EPB41L2: variants seen among roughly 807,000 people sequenced by gnomAD.
The protein encoded by EPB41L2 is band 4.1-like protein 2.
A neutral mutation model predicts 113.0 loss-of-function variants in EPB41L2; 43 were observed. The ratio of observed to expected loss-of-function variants is 0.38; its 90% CI spans 0.30 to 0.49. The LOEUF (loss-of-function observed/expected upper bound fraction) is 0.49. EPB41L2 is among the 20% of genes least tolerant of loss of function. The pLI is 0.95. For synonymous variants in EPB41L2, 442 were observed against 436.7 expected (o/e 1.01, Z -0.15); for missense variants, 1,147 against 1,223.4 (o/e 0.94, Z 0.93).
At chr6:130,923,679 A>G (rs1888958) in intron 4 of EPB41L2, among the ~76,000 whole-genome samples, 1,564 of 152,304 alleles carry the variant, frequency 0.01, 36 homozygotes, top group African/African-American at 0.036. Context: ...AAATTCACTA[A>G]CTGCAGAATT....
intron 1 of EPB41L2, among the ~76,000 whole-genome samples, chr6:130,977,379 G>GAA (rs1265122236): frequency 2.6e-5 from 4 of 152,130 alleles, no homozygotes; most frequent in Admixed American, 6.6e-5. Flanking sequence ...TCAGTAGCAA[G>GAA]ATCTCACCAG....
chr6:130,973,570 G>T (rs1250733011), intron 1 of EPB41L2, among the ~76,000 whole-genome samples: 1 of 152,164 alleles, frequency 6.6e-6, no homozygotes, highest in Non-Finnish European at 1.5e-5. Flanking sequence ...AAGCTAAAGG[G>T]AAAAGTCAAG....
intron 1 of EPB41L2, among the ~76,000 whole-genome samples, chr6:130,985,821 T>G (rs1161589061): frequency 6.6e-6 from 1 of 152,226 alleles, no homozygotes; most frequent in African/African-American, 2.4e-5. Context: ...TCTTTTGTTT[T>G]GCTTTTTTGG....
intron 3 of EPB41L2, among the ~76,000 whole-genome samples, chr6:130,953,539 G>A (rs1034411690): frequency 4.6e-5 from 7 of 151,996 alleles, no homozygotes; most frequent in Admixed American, 3.9e-4. Context: ...ATGGGGGAGG[G>A]ATAGCATTAG....
rs1319692435 is a variant in EPB41L2, at chr6:130,848,189, TCTCTCTCTCTCACA to T, written c.*6-7605_*6-7592del. Among the ~76,000 whole-genome samples, 43 of 113,300 alleles carry T rather than the reference TCTCTCTCTCTCACA, an allele frequency of 3.8e-4. No homozygotes were observed. In the South Asian group the frequency reaches 4.8e-3, roughly 13 times the overall value. The allele number at this position is 113,300 out of a possible 152,430, so 74.3% of individuals were successfully genotyped here. A position where few individuals can be genotyped will look rare whatever the true frequency, so the allele number is the denominator to read the frequency against. ...CAGTCTCTGTCTCTCTCTGTCTCTC[TCTCTCTCTCTCACA>T]CACACACACACACACACACACACAC... On this transcript the variant is annotated intron_variant, in intron 19 of 19. Coordinates refer to ENST00000337057, the MANE Select transcript of EPB41L2 (RefSeq NM_001431.4).
At chr6:130,966,364 T>C (rs1245913746) in intron 1 of EPB41L2, among the ~76,000 whole-genome samples, 2 of 152,194 alleles carry the variant, frequency 1.3e-5, no homozygotes, top group South Asian at 2.1e-4. Flanking sequence ...ATTAAGTACA[T>C]TGTTAAGTAC....
intron 1 of EPB41L2, among the ~76,000 whole-genome samples, chr6:131,035,830 A>G (rs1005101873): frequency 3.3e-5 from 5 of 152,224 alleles, no homozygotes; most frequent in African/African-American, 1.2e-4. Context: ...CAGAAGTGAG[A>G]GGTTAGCAAT....
intron 11 of EPB41L2, among the ~76,000 whole-genome samples, chr6:130,889,799 C>A (rs1175830482): frequency 2.6e-5 from 4 of 152,168 alleles, no homozygotes; most frequent in African/African-American, 9.7e-5. Context: ...AATGAGAACT[C>A]TTAACAAATA....
intron 11 of EPB41L2, among the ~76,000 whole-genome samples, chr6:130,885,728 C>A (rs1790736442): frequency 6.6e-6 from 1 of 151,972 alleles, no homozygotes; most frequent in Non-Finnish European, 1.5e-5. Flanking sequence ...CATAAAGGAA[C>A]CTTTAATTTG....
intron 1 of EPB41L2, among the ~76,000 whole-genome samples, chr6:131,012,073 C>T (rs902819112): frequency 8.6e-5 from 13 of 151,932 alleles, no homozygotes; most frequent in African/African-American, 3.1e-4. Context: ...GGCGTGGTGG[C>T]ACGCACCTGT....
intron 4 of EPB41L2, among the ~76,000 whole-genome samples, chr6:130,921,420 C>T (rs576332382): frequency 6.6e-6 from 1 of 152,242 alleles, no homozygotes; most frequent in South Asian, 2.1e-4. Flanking sequence ...AAACAGTGTG[C>T]TCATGAGAAA....
intron 1 of EPB41L2, among the ~76,000 whole-genome samples, chr6:130,957,511 C>G (rs1352554964): frequency 6.6e-6 from 1 of 152,054 alleles, no homozygotes; most frequent in African/African-American, 2.4e-5. Flanking sequence ...GTGGTAAAAA[C>G]TTAAGAGACG....
rs148846845 is a variant in EPB41L2, at chr6:130,871,385, C to T, written c.2044-1259G>A. ...TAGAGCCAGGAGCCCTATTTATTCACGAAAGTGACTCCATTCTGGATGGAG... is the reference window on the plus strand; with the variant it reads ...TAGAGCCAGGAGCCCTATTTATTCATGAAAGTGACTCCATTCTGGATGGAG... On this transcript the variant is annotated intron_variant, in intron 14 of 19. Coordinates refer to ENST00000337057, the MANE Select transcript of EPB41L2 (RefSeq NM_001431.4). Among the ~76,000 whole-genome samples, 1,013 of 152,232 alleles carry T rather than the reference C, an allele frequency of 6.7e-3. 17 individuals carry two copies. The highest frequency in any genetic ancestry group is 0.023 in the African/African-American group (971 of 41,536).
At chr6:131,027,623 C>T (rs1791181213) in intron 1 of EPB41L2, among the ~76,000 whole-genome samples, 1 of 152,172 alleles carries the variant, frequency 6.6e-6, no homozygotes, top group African/African-American at 2.4e-5. Flanking sequence ...ACCGTCATAG[C>T]AATAGGGCTG....
intron 14 of EPB41L2, chr6:130,872,430 C>A: frequency 7.8e-7 from 1 of 1,289,394 alleles, no homozygotes; most frequent in Non-Finnish European, 1.0e-6. Flanking sequence ...TTAGCGCTCA[C>A]AACAGCGCCC....
chr6:130,979,928 C>A lies in EPB41L2; in HGVS notation c.-14-23429G>T, dbSNP rs184752989. 1.2e-3 allele frequency among the ~76,000 whole-genome samples: 180 copies of A among 152,208 alleles called. 1 individual carries two copies. The highest frequency in any genetic ancestry group is 2.2e-3 in the Non-Finnish European group (151 of 68,012). ...GAGGTAGATGAAACTGTAGAGAAAA[C>A]AAGCAGTAGGATAAATGCTCATCAA... is the stretch of plus-strand genomic sequence containing the variant. On this transcript the variant is annotated intron_variant, in intron 1 of 19. Transcript: ENST00000337057.
chr6:130,870,390 CA>C, intron 14 of EPB41L2: 1 of 1,550,492 alleles, frequency 6.4e-7, no homozygotes, highest in Non-Finnish European at 8.7e-7. Context: ...GTCTGCAGAA[CA>C]AAAAGCAACC....
chr6:131,030,554 G>A (rs1337945009), intron 1 of EPB41L2, among the ~76,000 whole-genome samples: 1 of 152,124 alleles, frequency 6.6e-6, no homozygotes, highest in African/African-American at 2.4e-5. Flanking sequence ...TCTTTAAAAT[G>A]CACTGCATTT....
At chr6:130,858,043 G>C (rs1434089094) in intron 19 of EPB41L2, 88 bp downstream of exon 19, 1 of 1,019,832 alleles carries the variant, frequency 9.8e-7, no homozygotes, top group Non-Finnish European at 1.5e-6. Flanking sequence ...AGAAGACACT[G>C]ATATGAACTT....
Sources: gnomAD v4.1 joint callset for allele counts (sites outside exome capture counted in the v4.1 genomes callset) on GRCh38, gnomAD v4.1.1 for gene constraint, MANE v1.5 for transcripts, NCBI Gene and HGNC (gene_info 2026-07-23, HGNC 2026-07-21) for gene names.